Variants in ACSS3 observed in about 807,000 individuals in gnomAD.
ACSS3 encodes acyl-CoA synthetase short-chain family member 3, mitochondrial.
A neutral mutation model predicts 84.2 loss-of-function variants in ACSS3; 64 were observed. That is an observed-to-expected ratio of 0.76 (90% CI 0.62 to 0.94). ACSS3 has a LOEUF of 0.94. Among genes scored for constraint, ACSS3 ranks in the 40% least tolerant of loss-of-function variants. ACSS3 has a pLI of 0.00. For missense variants in ACSS3, 815 were observed against 867.6 expected, an observed-to-expected ratio of 0.94 and a Z score of 0.76; for synonymous variants, 317 against 310.1, an observed-to-expected ratio of 1.02 and a Z score of -0.23.
At chr12:81,078,010 C>A, upstream of ACSS3, 2 of 1,265,992 alleles carry the variant, frequency 1.6e-6, no homozygotes, top group Non-Finnish European at 2.1e-6. Flanking sequence ...CTTCTGGGCT[C>A]TGGGCTCACT....
intron 7 of ACSS3, among the ~76,000 whole-genome samples, chr12:81,152,892 A>G (rs746144324): frequency 6.6e-6 from 1 of 152,222 alleles, no homozygotes; most frequent in Admixed American, 6.5e-5. Context: ...GGTTAGTTGT[A>G]GTTTATGTAG....
intron 8 of ACSS3, among the ~76,000 whole-genome samples, chr12:81,186,058 C>T (rs1042417803): frequency 6.6e-5 from 10 of 151,632 alleles, no homozygotes; most frequent in South Asian, 2.1e-4. Flanking sequence ...TAGATCCAAA[C>T]GTATATGGTC....
At chr12:81,220,892 A>G (rs1460597291) in intron 11 of ACSS3, among the ~76,000 whole-genome samples, 4 of 152,012 alleles carry the variant, frequency 2.6e-5, no homozygotes, top group African/African-American at 9.7e-5. Context: ...AAATAATACC[A>G]TATTAAATAT....
intron 7 of ACSS3, among the ~76,000 whole-genome samples, chr12:81,152,956 A>G (rs1419933297): frequency 1.3e-5 from 2 of 152,176 alleles, no homozygotes; most frequent in African/African-American, 4.8e-5. Flanking sequence ...TGTTGGTAGG[A>G]CTGTTTTTAA....
intron 9 of ACSS3, chr12:81,199,730 G>A (rs1473223042): frequency 1.1e-5 from 14 of 1,312,506 alleles, no homozygotes; most frequent in Non-Finnish European, 1.4e-5. Flanking sequence ...CTAAGTCTCA[G>A]ATTTTCCTTT....
chr12:81,137,511 A>C (rs1003605079), intron 3 of ACSS3, among the ~76,000 whole-genome samples: 1 of 152,110 alleles, frequency 6.6e-6, no homozygotes, highest in Non-Finnish European at 1.5e-5. Context: ...ATTAGGAATG[A>C]TTTTGATGTC....
At chr12:81,194,636 G>A (rs2031740540) in intron 8 of ACSS3, among the ~76,000 whole-genome samples, 1 of 151,900 alleles carries the variant, frequency 6.6e-6, no homozygotes, top group Admixed American at 6.6e-5. Context: ...ATTAGTGCCA[G>A]CATGACGATT....
chr12:81,229,091 C>T (rs182363859), intron 11 of ACSS3, among the ~76,000 whole-genome samples: 2 of 151,802 alleles, frequency 1.3e-5, no homozygotes, highest in Non-Finnish European at 2.9e-5. Flanking sequence ...CCATCATAAA[C>T]GTCAGCTGCC....
At chr12:81,153,853 A>G (rs187013385) in intron 7 of ACSS3, among the ~76,000 whole-genome samples, 186 of 152,322 alleles carry the variant, frequency 1.2e-3, no homozygotes, top group Non-Finnish European at 2.2e-3. Flanking sequence ...TTTCATTTTT[A>G]GCTGGCTGAT....
intron 8 of ACSS3, among the ~76,000 whole-genome samples, chr12:81,189,778 A>G (rs2031471882): frequency 1.3e-5 from 2 of 151,996 alleles, no homozygotes; most frequent in South Asian, 4.2e-4. Flanking sequence ...CCTGTATTTC[A>G]TTTTCTAGAA....
intron 1 of ACSS3, 55 bp from the exon 2 acceptor site, chr12:81,109,505 G>C: frequency 6.4e-7 from 1 of 1,560,990 alleles, no homozygotes; most frequent in Non-Finnish European, 8.7e-7. Context: ...ACTTCATTAA[G>C]TGACAATATA....
intron 11 of ACSS3, among the ~76,000 whole-genome samples, chr12:81,223,796 A>G (rs574816636): frequency 6.2e-4 from 94 of 152,060 alleles, no homozygotes; most frequent in Non-Finnish European, 6.8e-4. Context: ...AGATCTCTCT[A>G]GGGAACAGGC....
chr12:81,245,317 CCAGGCGTGGT>C (rs2033948547), intron 13 of ACSS3, among the ~76,000 whole-genome samples: 2 of 152,092 alleles, frequency 1.3e-5, no homozygotes, highest in African/African-American at 4.8e-5. Context: ...AAAAAATTAG[CCAGGCGTGGT>C]GGTGGGCGAC....
chr12:81,100,068 A>G (rs1238118503), intron 1 of ACSS3, among the ~76,000 whole-genome samples: 1 of 152,210 alleles, frequency 6.6e-6, no homozygotes, highest in African/African-American at 2.4e-5. Flanking sequence ...TAGGAAAGAC[A>G]GCGAAGACTC....
chr12:81,237,588 A>G (rs57550360), intron 13 of ACSS3, among the ~76,000 whole-genome samples: 1,595 of 151,588 alleles, frequency 0.011, 29 homozygotes, highest in African/African-American at 0.036. Flanking sequence ...GAGGTTCTGG[A>G]TCCTATTTAA....
At chr12:81,183,007 T>G (rs1025739518) in intron 8 of ACSS3, among the ~76,000 whole-genome samples, 2 of 152,088 alleles carry the variant, frequency 1.3e-5, no homozygotes, top group African/African-American at 4.8e-5. Context: ...CACCAAAAAT[T>G]TTAACTGGCA....
intron 13 of ACSS3, 34 bp from the exon 14 acceptor site, chr12:81,253,273 A>G: frequency 1.3e-6 from 2 of 1,564,358 alleles, no homozygotes; most frequent in Non-Finnish European, 1.8e-6. Flanking sequence ...TGGTAAATAA[A>G]TGTATTCTAA....
intron 7 of ACSS3, among the ~76,000 whole-genome samples, chr12:81,156,008 G>A (rs1397392154): frequency 2.0e-5 from 3 of 152,070 alleles, no homozygotes; most frequent in South Asian, 2.1e-4. Flanking sequence ...CCTGGGCCAC[G>A]AAACAAACTT....
chr12:81,147,355 A>C (rs1376252956), intron 5 of ACSS3, among the ~76,000 whole-genome samples: 1 of 152,206 alleles, frequency 6.6e-6, no homozygotes, highest in Non-Finnish European at 1.5e-5. Flanking sequence ...TTTATACACT[A>C]AACTGTTCAC....
Sources: allele counts gnomAD v4.1 joint callset (sites outside exome capture counted in the v4.1 genomes callset), GRCh38; gene constraint gnomAD v4.1.1; transcripts MANE v1.5; gene names NCBI Gene and HGNC (gene_info 2026-07-23, HGNC 2026-07-21).